Variants in JAK1 observed in about 807,000 individuals in gnomAD.
JAK1 encodes tyrosine-protein kinase JAK1.
Under a neutral mutation model 136.6 loss-of-function variants are expected in JAK1, and 16 were observed. The ratio of observed to expected loss-of-function variants is 0.12; its 90% CI spans 0.08 to 0.18. JAK1 has a LOEUF of 0.18. Among genes scored for constraint, JAK1 ranks in the 10% least tolerant of loss-of-function variants. The pLI is 1.00. For synonymous variants in JAK1, 492 were observed against 519.5 expected, an observed-to-expected ratio of 0.95 and a Z score of 0.72; for missense variants, 859 against 1,450.1, an observed-to-expected ratio of 0.59 and a Z score of 6.62.
At chr1:65,021,822 A>G (rs1266696547) in intron 2 of JAK1, among the ~76,000 whole-genome samples, 1 of 152,094 alleles carries the variant, frequency 6.6e-6, no homozygotes, top group Non-Finnish European at 1.5e-5. Context: ...TTAGAAGAGG[A>G]CACTAAAACC....
At chr1:65,024,151 ACT>A (rs1646959036) in intron 2 of JAK1, among the ~76,000 whole-genome samples, 1 of 151,938 alleles carries the variant, frequency 6.6e-6, no homozygotes, top group South Asian at 2.1e-4. Flanking sequence ...ATAGCTGGTA[ACT>A]CTATGTTTAA....
chr1:65,018,417 A>T, intron 2 of JAK1, among the ~76,000 whole-genome samples: 1 of 151,974 alleles, frequency 6.6e-6, no homozygotes, highest in East Asian at 1.9e-4. Context: ...AGACTAAAAA[A>T]GGTGTAAAAT....
chr1:64,911,106 T>C (rs961004594), intron 1 of JAK1, among the ~76,000 whole-genome samples: 2 of 151,112 alleles, frequency 1.3e-5, no homozygotes, highest in Non-Finnish European at 2.9e-5. Flanking sequence ...ACAATTATTA[T>C]CTACTGACCA....
At position 64,949,836 on chromosome 1, in the gene JAK1, TTG is replaced by T. The variant is rs748730169; in HGVS notation, c.-78+16495_-78+16496del. 2.0e-4 allele frequency among the ~76,000 whole-genome samples: 30 copies of T among 152,328 alleles called. 5 individuals are homozygous for T. Among genetic ancestry groups the T allele is most frequent in the Admixed American group, 3.3e-4 (5 of 15,294 alleles). On this transcript the variant is annotated intron_variant, in intron 1 of 24. Transcript: ENST00000342505. Reference sequence around the variant, plus strand: ...GCAATTAGCAGCAGAAAAATGCTAATTGTGTGTTTTTAAAGGTTCCCTACAAT... The same window carrying T: ...GCAATTAGCAGCAGAAAAATGCTAATTGTGTTTTTAAAGGTTCCCTACAAT...
intron 8 of JAK1, among the ~76,000 whole-genome samples, 182 bp downstream of exon 8, chr1:64,864,605 G>GT (rs1656578142): frequency 6.6e-6 from 1 of 152,240 alleles, no homozygotes; most frequent in Admixed American, 6.5e-5. Context: ...GCACTGGAAT[G>GT]TATCGGTGTA....
intron 1 of JAK1, among the ~76,000 whole-genome samples, chr1:64,932,933 A>C (rs1645724121): frequency 6.6e-6 from 1 of 152,216 alleles, no homozygotes; most frequent in African/African-American, 2.4e-5. Flanking sequence ...TTTTTCTCCC[A>C]GTTAGAATTA....
intron 3 of JAK1, among the ~76,000 whole-genome samples, chr1:64,879,947 G>C (rs1302290057): frequency 6.6e-6 from 1 of 152,154 alleles, no homozygotes; most frequent in African/African-American, 2.4e-5. Context: ...GGCAGGTTGG[G>C]GGGAGAATGA....
intron 1 of JAK1, among the ~76,000 whole-genome samples, chr1:65,048,528 C>A (rs989379215): frequency 6.6e-6 from 1 of 152,172 alleles, no homozygotes; most frequent in Non-Finnish European, 1.5e-5. Flanking sequence ...AGGAAGTATT[C>A]AACCGATTAA....
In JAK1 at chr1:64,835,418, C is replaced by T. The variant is rs368093469; in HGVS notation, c.3347G>A (p.Cys1116Tyr). 8.1e-6 allele frequency: 13 copies of T among 1,604,868 alleles called. No homozygotes were observed. The East Asian group carries it at 1.3e-4, about 17-fold the overall frequency. The part of the protein sequence containing the change: ...NTLKEGKRLP[C>Y]PPNCPDEVYQ... ...TACCTCATCTGGACAGTTAGGTGGG[C>T]ACGGCAGGCGTTTTCCTTCTTTTAA... Residue 1116 changes from cysteine (C) to tyrosine (Y), a missense_variant, in exon 24 of 25, where the codon TGC (cysteine) becomes TAC (tyrosine). This residue lies in a region of JAK1 where 53 missense variants were observed against 64.8 expected (regional missense o/e 0.82). Coordinates refer to ENST00000342505, the MANE Select transcript of JAK1 (RefSeq NM_002227.4).
chr1:65,045,663 T>C (rs1481657713), intron 1 of JAK1, among the ~76,000 whole-genome samples: 9 of 152,204 alleles, frequency 5.9e-5, no homozygotes, highest in Admixed American at 3.9e-4. Flanking sequence ...TCAACAGATA[T>C]AGAACAGCTG....
intron 3 of JAK1, among the ~76,000 whole-genome samples, chr1:64,882,732 C>T (rs1176614251): frequency 2.6e-5 from 4 of 152,194 alleles, no homozygotes; most frequent in Admixed American, 2.6e-4. Context: ...AGAGCCTCGT[C>T]CTTTTCACAA....
chr1:64,985,855 C>T, intron 2 of JAK1: 1 of 616,730 alleles, frequency 1.6e-6, no homozygotes, highest in Non-Finnish European at 2.9e-6. Context: ...AACAGTCCAA[C>T]AGAAAAGGAG....
intron 1 of JAK1, among the ~76,000 whole-genome samples, chr1:64,915,508 A>G (rs183687051): frequency 3.0e-4 from 46 of 152,328 alleles, no homozygotes; most frequent in Non-Finnish European, 5.7e-4. Context: ...TGTTTGAGAA[A>G]AAGAATCCCG....
intron 1 of JAK1, among the ~76,000 whole-genome samples, chr1:64,897,488 A>G (rs1288098767): frequency 3.7e-3 from 2 of 538 alleles, no homozygotes; most frequent in African/African-American, 5.6e-3. Flanking sequence ...GGGGAGGGGG[A>G]GGGGGGGAGG....
chr1:64,874,421 C>CAT (rs1336955732), intron 4 of JAK1, among the ~76,000 whole-genome samples: 1 of 151,474 alleles, frequency 6.6e-6, no homozygotes, highest in African/African-American at 2.4e-5. Flanking sequence ...AAGATATATA[C>CAT]AGGTTACTAG....
intron 1 of JAK1, among the ~76,000 whole-genome samples, chr1:65,056,440 A>G (rs1458343187): frequency 1.3e-5 from 2 of 152,208 alleles, no homozygotes; most frequent in Non-Finnish European, 1.5e-5. Context: ...AAAGGAACAC[A>G]GTGACCATCA....
intron 21 of JAK1, 57 bp from the exon 22 acceptor site, chr1:64,838,161 T>A (rs1654611672): frequency 1.4e-6 from 2 of 1,472,080 alleles, no homozygotes; most frequent in South Asian, 1.3e-5. Context: ...GATTGTATTA[T>A]CTATCACTTC....
At chr1:64,977,454 C>CT (rs60862617) in intron 2 of JAK1, among the ~76,000 whole-genome samples, 12,560 of 141,414 alleles carry the variant, frequency 0.089, 735 homozygotes, top group African/African-American at 0.16. Context: ...ACCCAGCCAT[C>CT]TTTTTTTTTT....
intron 10 of JAK1, 75 bp downstream of exon 10, chr1:64,857,581 C>G: frequency 6.3e-7 from 1 of 1,576,742 alleles, no homozygotes; most frequent in East Asian, 2.2e-5. Context: ...GTTCTGTCTG[C>G]AGCAGCTCCT....
Sources: allele counts gnomAD v4.1 joint callset (sites outside exome capture counted in the v4.1 genomes callset), GRCh38; gene constraint gnomAD v4.1.1; regional missense constraint gnomAD v4.1.1; transcripts MANE v1.5; gene names NCBI Gene and HGNC (gene_info 2026-07-23, HGNC 2026-07-21).